Variants in GPR75 observed in about 807,000 individuals in gnomAD.
The protein encoded by GPR75 is G protein-coupled receptor 75, also known as probable G protein-coupled receptor 75.
In GPR75, 27 loss-of-function variants were observed where a neutral mutation model predicts 26.0. The ratio of observed to expected loss-of-function variants is 1.04; its 90% CI spans 0.77 to 1.43. The LOEUF (loss-of-function observed/expected upper bound fraction) is 1.43. Among genes scored for constraint, GPR75 ranks in the 40% most tolerant of loss-of-function variants. The probability of loss-of-function intolerance (pLI) is 0.00; values close to 1 mark genes in which losing one functional copy is unlikely to be tolerated. For missense variants in GPR75, 699 were observed against 662.3 expected (o/e 1.06, Z -0.61); for synonymous variants, 285 against 256.3 (o/e 1.11, Z -1.07).
Position 53,859,913 on chromosome 2 carries a change from G to C in GPR75, c.-195C>G. ...TGCCGCTCTGGATGATGCAGGACTAGAGGCATCATCGCCATCGCCACCGCC... is the reference window on the plus strand; with the variant it reads ...TGCCGCTCTGGATGATGCAGGACTACAGGCATCATCGCCATCGCCACCGCC... On this transcript the variant is annotated 5_prime_UTR_variant, in exon 1 of 2. Transcript: ENST00000394705. 1.3e-6 allele frequency: 2 copies of C among 1,513,416 alleles called. No homozygotes were observed. The highest frequency in any genetic ancestry group is 1.8e-6 in the Non-Finnish European group (2 of 1,136,184). 93.7% of individuals were successfully genotyped at this position (1,513,416 alleles called of 1,614,324 possible).
At chr2:53,859,778 G>T in intron 1 of GPR75, 50 bp downstream of exon 1, 2 of 1,415,746 alleles carry the variant, frequency 1.4e-6, no homozygotes, top group Non-Finnish European at 1.9e-6. Flanking sequence ...TCCGGGAGCC[G>T]TCTCCGGCAT....
chr2:53,857,627 A>G (rs372055222), intron 1 of GPR75, among the ~76,000 whole-genome samples: 12 of 152,184 alleles, frequency 7.9e-5, no homozygotes, highest in African/African-American at 2.9e-4. Flanking sequence ...GAGATGATGA[A>G]GCACTAACAT....
chr2:53,857,169 T>A (rs962722945), intron 1 of GPR75, among the ~76,000 whole-genome samples: 1 of 150,878 alleles, frequency 6.6e-6, no homozygotes, highest in Admixed American at 6.6e-5. Context: ...GGGTTTCACC[T>A]TGTTAGCCAG....
At chr2:53,856,453 G>C (rs1678228242) in intron 1 of GPR75, among the ~76,000 whole-genome samples, 2 of 152,234 alleles carry the variant, frequency 1.3e-5, no homozygotes, top group Non-Finnish European at 2.9e-5. Flanking sequence ...TTAACCACCA[G>C]CTCAAGCTGG....
At position 53,853,628 on chromosome 2, in the gene GPR75, A is replaced by C; in HGVS notation, c.1129T>G (p.Ser377Ala). ...CTTCTCAGCCCTGCACTGTTCCGAG[A>C]ATATATAAAAGGGTTTAATCCTGAC... ...FKSGLNPFIY[S>A]RNSAGLRRKV... Residue 377 changes from serine to alanine, a missense_variant, in exon 2 of 2, where the codon TCT becomes GCT. Transcript: ENST00000394705. 6.2e-7 allele frequency: 1 copy of C among 1,614,096 alleles called. No individual in the cohort carries two copies.
Position 53,859,855 on chromosome 2 carries a change from C to T in GPR75, c.-137G>A. 2.6e-6 allele frequency: 4 copies of T among 1,533,518 alleles called. No individual in the cohort carries two copies. The highest frequency in any genetic ancestry group is 3.5e-6 in the Non-Finnish European group (4 of 1,144,398). 95.0% of individuals were successfully genotyped at this position (1,533,518 alleles called of 1,614,324 possible). On this transcript the variant is annotated 5_prime_UTR_variant, in exon 1 of 2. Transcript: ENST00000394705. Reference sequence around the variant, plus strand: ...GCCGGGTGGCCGCAGCGCCGCCCCTCCTCCATCTCGCAGTCCGGACCCCAG... The same window carrying T: ...GCCGGGTGGCCGCAGCGCCGCCCCTTCTCCATCTCGCAGTCCGGACCCCAG...
In GPR75 at chr2:53,854,628, C is replaced by A; in HGVS notation, c.129G>T (p.Val43=). ...LQDLIHTATL[V]TCTFLLAVIF... Reference sequence around the variant, plus strand: ...TGACCGCCAGTAGAAAAGTACAGGTCACCAAGGTGGCTGTGTGGATGAGAT... The same window carrying A: ...TGACCGCCAGTAGAAAAGTACAGGTAACCAAGGTGGCTGTGTGGATGAGAT... The change falls in exon 2 of 2, where the codon GTG becomes GTT. Residue 43 remains valine, a synonymous_variant. Transcript: ENST00000394705. 6.2e-7 allele frequency: 1 copy of A among 1,614,048 alleles called. No homozygotes were observed. Among genetic ancestry groups the A allele is most frequent in the South Asian group, 1.1e-5 (1 of 91,074 alleles).
intron 1 of GPR75, among the ~76,000 whole-genome samples, 184 bp downstream of exon 1, chr2:53,859,644 C>T (rs1678325069): frequency 6.6e-6 from 1 of 151,554 alleles, no homozygotes; most frequent in South Asian, 2.1e-4. Flanking sequence ...GTTCCACGGC[C>T]GAGCAGAGCC....
intron 1 of GPR75, among the ~76,000 whole-genome samples, chr2:53,858,239 C>T (rs1678282271): frequency 6.6e-6 from 1 of 152,144 alleles, no homozygotes; most frequent in South Asian, 2.1e-4. Flanking sequence ...TATTACACAC[C>T]AGGCACCTAT....
At chr2:53,856,127 G>C (rs986321429) in intron 1 of GPR75, among the ~76,000 whole-genome samples, 23 of 152,186 alleles carry the variant, frequency 1.5e-4, no homozygotes, top group African/African-American at 4.3e-4. Context: ...CATTACGCCA[G>C]GTGCTAGGTG....
Position 53,853,352 on chromosome 2 carries a change from G to C in GPR75, c.1405C>G (p.Gln469Glu). The C allele has an allele frequency of 1.2e-6, 2 of 1,614,012 alleles. No homozygotes were observed. The highest frequency in any genetic ancestry group is 2.2e-5 in the East Asian group (1 of 44,886). Reference protein sequence around the residue: ...KISAGHQHCGQSSSTPINTRI... With the variant: ...KISAGHQHCGESSSTPINTRI... The stretch of plus-strand genomic sequence containing the variant: ...GTGTTGATGGGGGTCGAGCTGCTCT[G>C]ACCACAGTGTTGATGTCCAGCAGAG... The change falls in exon 2 of 2, where the codon CAG becomes GAG. Residue 469 changes from glutamine to glutamate, a missense_variant. Coordinates refer to ENST00000394705, the MANE Select transcript of GPR75 (RefSeq NM_006794.4).
In GPR75 at chr2:53,854,250, C is replaced by G; in HGVS notation, c.507G>C (p.Trp169Cys). 1.9e-6 allele frequency: 3 copies of G among 1,613,914 alleles called. No individual in the cohort carries two copies. Among genetic ancestry groups the G allele is most frequent in the Non-Finnish European group, 1.7e-6 (2 of 1,179,990 alleles). Residue 169 changes from tryptophan (W) to cysteine (C), a missense_variant, in exon 2 of 2, where the codon TGG becomes TGC. By Grantham distance (215) the Trp-to-Cys change is radical. Transcript: ENST00000394705. ...AGGTGGCAAGGGTGAAACTGGTGGC[C>G]CAGAGAAGCAGGGTGAGGAGTACGG... The part of the protein sequence containing the change: ...PCTVLLTLLL[W>C]ATSFTLATLA...
Position 53,853,672 on chromosome 2 carries a change from A to C in GPR75, c.1085T>G (p.Phe362Cys), listed in dbSNP as rs753376337. Residue 362 changes from phenylalanine (F) to cysteine (C), a missense_variant, in exon 2 of 2, where the codon TTT becomes TGT. By Grantham distance (205) the Phe-to-Cys change is radical (BLOSUM62 -2). Coordinates refer to ENST00000394705, the MANE Select transcript of GPR75 (RefSeq NM_006794.4). ...FILYQFELFG[F>C]TLIFFKSGLN... is the part of the protein sequence containing the mutation. Reference sequence around the variant, plus strand: ...TCCTGACTTGAAAAATATAAGAGTAAATCCAAACAATTCAAACTGGTAAAG... The same window carrying C: ...TCCTGACTTGAAAAATATAAGAGTACATCCAAACAATTCAAACTGGTAAAG... 6.2e-7 allele frequency: 1 copy of C among 1,613,864 alleles called. No homozygotes were observed. Among genetic ancestry groups the C allele is most frequent in the Non-Finnish European group, 8.5e-7 (1 of 1,179,764 alleles).
At position 53,854,067 on chromosome 2, in the gene GPR75, C is replaced by T. The variant is rs139723753; in HGVS notation, c.690G>A (p.Arg230=). 279 of 1,614,222 alleles carry T rather than the reference C, an allele frequency of 1.7e-4. No homozygotes were observed. In the Middle Eastern group the frequency reaches 2.1e-3, roughly 12 times the overall value. ...GGCACTTTCTGACTTGAGCGTTCTTCCGCAGGGTCTGAGCAATCATGATGT... is the reference window on the plus strand; with the variant it reads ...GGCACTTTCTGACTTGAGCGTTCTTTCGCAGGGTCTGAGCAATCATGATGT... ...VSYIMIAQTL[R]KNAQVRKCPP... is the part of the protein sequence containing the mutation. The change falls in exon 2 of 2, where the codon CGG becomes CGA. Residue 230 remains arginine (R), a synonymous_variant. Transcript: ENST00000394705.
In GPR75 at chr2:53,853,814, T is replaced by C. The variant is rs752407191; in HGVS notation, c.943A>G (p.Lys315Glu). The C allele has an allele frequency of 6.2e-7, 1 of 1,614,134 alleles. No individual in the cohort carries two copies. Among genetic ancestry groups the C allele is most frequent in the Non-Finnish European group, 8.5e-7 (1 of 1,180,006 alleles). ...CAGGTGACCACGGCTTTGGAATCCT[T>C]GGCAGTGGAGAGGTTGATGGCTGAT... The part of the protein sequence containing the change: ...LVSAINLSTA[K>E]DSKAVVTCVI... Residue 315 changes from lysine (K) to glutamate (E), a missense_variant, in exon 2 of 2, where the codon AAG (lysine) becomes GAG (glutamate). Lys to Glu is a moderately conservative substitution (Grantham distance 56). Coordinates refer to ENST00000394705, the MANE Select transcript of GPR75 (RefSeq NM_006794.4).
At chr2:53,855,131 C>CT (rs1203713920) in intron 1 of GPR75, among the ~76,000 whole-genome samples, 1,934 of 145,436 alleles carry the variant, frequency 0.013, 18 homozygotes, top group African/African-American at 0.028. Flanking sequence ...CTCTCTCTCT[C>CT]TTTTTTTTTT....
rs754547237 is a variant in GPR75, at chr2:53,854,705, C to T, written c.52G>A (p.Val18Met). The T allele has an allele frequency of 1.2e-6, 2 of 1,614,076 alleles. No homozygotes were observed. Among genetic ancestry groups the T allele is most frequent in the Non-Finnish European group, 1.7e-6 (2 of 1,180,006 alleles). Residue 18 changes from valine (V) to methionine (M), a missense_variant, in exon 2 of 2, where the codon GTG becomes ATG. By Grantham distance (21) the Val-to-Met change is conservative. Transcript: ENST00000394705. ...CTGTTTCCTTCCTGTGAGTGAGGCA[C>T]ATGGAGCGAGGTGGCATTGGGGGCA... Reference protein sequence around the residue: ...QDAPNATSLHVPHSQEGNSTS... With the variant: ...QDAPNATSLHMPHSQEGNSTS...
At chr2:53,856,088 A>G (rs967299462) in intron 1 of GPR75, among the ~76,000 whole-genome samples, 1 of 152,224 alleles carries the variant, frequency 6.6e-6, no homozygotes, top group Non-Finnish European at 1.5e-5. Context: ...CGCTCAATTT[A>G]TATTAATTAT....
intron 1 of GPR75, among the ~76,000 whole-genome samples, chr2:53,858,402 G>GACACACACACACAC (rs61090357): frequency 1.4e-4 from 21 of 145,136 alleles, no homozygotes; most frequent in Non-Finnish European, 2.6e-4. Context: ...GATACAGATA[G>GACACACACACACAC]ACACACACAC....
Sources: allele counts gnomAD v4.1 joint callset (sites outside exome capture counted in the v4.1 genomes callset), GRCh38; gene constraint gnomAD v4.1.1; transcripts MANE v1.5; gene names NCBI Gene and HGNC (gene_info 2026-07-23, HGNC 2026-07-21).